Variants in DNAH6 observed in about 807,000 individuals in gnomAD.
DNAH6 encodes the protein dynein axonemal heavy chain 6, also known as axonemal beta dynein heavy chain 6.
DNAH6 carries 340 observed loss-of-function variants against 491.4 expected under a neutral mutation model. That is an observed-to-expected ratio of 0.69 (90% CI 0.63 to 0.76). DNAH6 has a LOEUF of 0.76. Ranked by LOEUF, DNAH6 falls within the 30% of genes least tolerant of loss-of-function variation. DNAH6 has a pLI of 0.00. For missense variants in DNAH6, 4,443 were observed against 4,972.2 expected (o/e 0.89, Z 3.20); for synonymous variants, 1,603 against 1,686.1 (o/e 0.95, Z 1.21).
the DNAH6 span, among the ~76,000 whole-genome samples, chr2:84,483,167 T>G: frequency 6.6e-6 from 1 of 152,010 alleles, no homozygotes. Context: ...TCTCACTATG[T>G]TGTCCAGGCT....
intron 45 of DNAH6, among the ~76,000 whole-genome samples, chr2:84,690,606 TA>T (rs1553467670): frequency 6.6e-6 from 1 of 152,226 alleles, no homozygotes; most frequent in Non-Finnish European, 1.5e-5. Context: ...AAGGTTTGCT[TA>T]AAATATTATG....
chr2:84,680,136 C>T (rs1452930925), intron 41 of DNAH6, among the ~76,000 whole-genome samples: 1 of 152,096 alleles, frequency 6.6e-6, no homozygotes, highest in Non-Finnish European at 1.5e-5. Context: ...AGGTCATCCT[C>T]ACAAGTTAAA....
chr2:84,608,548 C>G (rs900442082), intron 21 of DNAH6, among the ~76,000 whole-genome samples: 3 of 152,108 alleles, frequency 2.0e-5, no homozygotes, highest in African/African-American at 7.2e-5. Flanking sequence ...TGTCAATGAG[C>G]AGTAATATTT....
chr2:84,500,880 C>A, the DNAH6 span, among the ~76,000 whole-genome samples: 4 of 152,056 alleles, frequency 2.6e-5, no homozygotes, highest in African/African-American at 9.7e-5. Flanking sequence ...ATTTTTGTAT[C>A]CTGCAACTTT....
intron 64 of DNAH6, among the ~76,000 whole-genome samples, chr2:84,764,037 A>G (rs1674843305): frequency 6.6e-6 from 1 of 152,156 alleles, no homozygotes; most frequent in Non-Finnish European, 1.5e-5. Context: ...TGATTAGCTA[A>G]GTCCCGCTCA....
chr2:84,763,069 A>C, intron 64 of DNAH6, 124 bp downstream of exon 64: 1 of 702,878 alleles, frequency 1.4e-6, no homozygotes, highest in Non-Finnish European at 2.4e-6. Context: ...TTACTACATA[A>C]ATTTAAGATA....
Position 84,604,411 on chromosome 2 carries a change from G to C in DNAH6, c.2941G>C (p.Asp981His). 6.4e-7 allele frequency: 1 copy of C among 1,552,230 alleles called. No homozygotes were observed. Among genetic ancestry groups the C allele is most frequent in the Non-Finnish European group, 8.7e-7 (1 of 1,147,076 alleles). ...TTGGGCAGCTATTGAACAAACAGTT[G>C]ATGCCACTCTAGTGGATGCTGAAAT... ...RHWAAIEQTVDATLVDAEIPL... is the reference protein window; with the variant it reads ...RHWAAIEQTVHATLVDAEIPL... Residue 981 changes from aspartate (D) to histidine (H), a missense_variant, in exon 19 of 77, where the codon GAT becomes CAT. Around this residue, in one of 3 missense-constraint regions of DNAH6, gnomAD observed 2,977 missense variants for 3,296.6 expected, o/e 0.90. Coordinates refer to ENST00000389394, the MANE Select transcript of DNAH6 (RefSeq NM_001370.2).
chr2:84,509,811 TTTTA>T, the DNAH6 span, among the ~76,000 whole-genome samples: 4 of 152,192 alleles, frequency 2.6e-5, no homozygotes, highest in Non-Finnish European at 4.4e-5. Flanking sequence ...CTGTAAAGTA[TTTTA>T]TTTCTCATTC....
At chr2:84,605,127 C>A (rs1685626699) in intron 19 of DNAH6, among the ~76,000 whole-genome samples, 1 of 150,774 alleles carries the variant, frequency 6.6e-6, no homozygotes, top group South Asian at 2.1e-4. Flanking sequence ...GCAGACAGAT[C>A]ACGAGGTCAG....
At chr2:84,688,887 A>G (rs775385400) in intron 45 of DNAH6, among the ~76,000 whole-genome samples, 1 of 152,218 alleles carries the variant, frequency 6.6e-6, no homozygotes, top group African/African-American at 2.4e-5. Context: ...ACAGAGATAC[A>G]TGTACGGTAT....
chr2:84,681,958 C>A (rs1693819748), intron 42 of DNAH6, among the ~76,000 whole-genome samples: 2 of 152,072 alleles, frequency 1.3e-5, no homozygotes, highest in Non-Finnish European at 2.9e-5. Flanking sequence ...TTTATTGGAT[C>A]ATGCCTAATG....
rs559993208 is a variant in DNAH6, at chr2:84,783,728, C to T, written c.10865-994C>T. On this transcript the variant is annotated intron_variant, in intron 65 of 76. Transcript: ENST00000389394. ...CAAAAGAACCATAGATATTTGTCCT[C>T]GTAGAGTTTCCATTCTAGTTGGGGG... 4.6e-5 allele frequency among the ~76,000 whole-genome samples: 7 copies of T among 152,238 alleles called. No individual in the cohort carries two copies. In the South Asian group the frequency reaches 6.2e-4, roughly 14 times the overall value.
chr2:84,539,391 C>T (rs1678018407), intron 4 of DNAH6, among the ~76,000 whole-genome samples: 1 of 152,078 alleles, frequency 6.6e-6, no homozygotes, highest in African/African-American at 2.4e-5. Context: ...ATGATGGTTT[C>T]ATTTCATACA....
intron 4 of DNAH6, among the ~76,000 whole-genome samples, chr2:84,534,280 C>G (rs958413331): frequency 1.2e-4 from 18 of 152,016 alleles, no homozygotes; most frequent in African/African-American, 4.3e-4. Flanking sequence ...AAAAAAAACA[C>G]AATCGCTCAG....
At chr2:84,482,370 GTT>G in the DNAH6 span, among the ~76,000 whole-genome samples, 1 of 152,314 alleles carries the variant, frequency 6.6e-6, no homozygotes, top group Admixed American at 6.5e-5. Flanking sequence ...TGGAGCTGAC[GTT>G]TAAGTCATGC....
chr2:84,637,478 T>G (rs907167228), intron 31 of DNAH6, 101 bp downstream of exon 31: 11 of 1,245,704 alleles, frequency 8.8e-6, no homozygotes, highest in African/African-American at 1.5e-5. Flanking sequence ...ATGCCCCTAT[T>G]AATGGTTACA....
intron 45 of DNAH6, among the ~76,000 whole-genome samples, chr2:84,689,581 G>A (rs1172577006): frequency 2.0e-5 from 3 of 152,172 alleles, no homozygotes; most frequent in African/African-American, 7.2e-5. Context: ...CCAGGCAGAA[G>A]CCAAATGGCT....
upstream of DNAH6, among the ~76,000 whole-genome samples, chr2:84,514,260 CAAATTCATATAG>C (rs1398853069): frequency 6.6e-6 from 1 of 152,142 alleles, no homozygotes; most frequent in South Asian, 2.1e-4. Context: ...ATCTTGGGCT[CAAATTCATATAG>C]AAATTTAAGT....
intron 17 of DNAH6, among the ~76,000 whole-genome samples, chr2:84,594,582 T>C (rs1186348900): frequency 6.6e-6 from 1 of 152,214 alleles, no homozygotes; most frequent in Non-Finnish European, 1.5e-5. Flanking sequence ...CAGAGAGTTT[T>C]GTTTCTAGGA....
Sources: allele counts gnomAD v4.1 joint callset (sites outside exome capture counted in the v4.1 genomes callset), GRCh38; gene constraint gnomAD v4.1.1; regional missense constraint gnomAD v4.1.1; transcripts MANE v1.5; gene names NCBI Gene and HGNC (gene_info 2026-07-23, HGNC 2026-07-21).